OTOA: variants seen among roughly 807,000 people sequenced by gnomAD.
OTOA encodes cancer/testis antigen 108.
Under a neutral mutation model 110.8 loss-of-function variants are expected in OTOA, and 70 were observed. The observed-to-expected ratio is 0.63, with a 90% CI of 0.52 to 0.77. The LOEUF (loss-of-function observed/expected upper bound fraction) is 0.77. Among genes scored for constraint, OTOA ranks in the 30% least tolerant of loss-of-function variants. The probability of loss-of-function intolerance (pLI) is 0.00; values close to 1 mark genes in which losing one functional copy is unlikely to be tolerated. For missense variants in OTOA, 917 were observed against 1,075.8 expected (o/e 0.85, Z 2.06); for synonymous variants, 373 against 431.5 (o/e 0.86, Z 1.68).
intron 6 of OTOA, among the ~76,000 whole-genome samples, chr16:21,682,030 A>G (rs1220910175): frequency 6.6e-6 from 1 of 152,220 alleles, no homozygotes; most frequent in Non-Finnish European, 1.5e-5. Context: ...GAGACATGGT[A>G]TATTAGGATA....
At chr16:21,674,163 GT>G (rs1407839687) in intron 1 of OTOA, among the ~76,000 whole-genome samples, 1 of 152,064 alleles carries the variant, frequency 6.6e-6, no homozygotes, top group Non-Finnish European at 1.5e-5. Flanking sequence ...GAGTGTAATT[GT>G]TGGGCTGTAC....
At chr16:21,734,098 C>A (rs542962284) in intron 21 of OTOA, among the ~76,000 whole-genome samples, 1 of 150,940 alleles carries the variant, frequency 6.6e-6, no homozygotes, top group Non-Finnish European at 1.5e-5. Context: ...CGCACCTGAC[C>A]TGTGTTAGGC....
chr16:21,713,826 G>A (rs1898431962), intron 13 of OTOA, among the ~76,000 whole-genome samples: 1 of 152,172 alleles, frequency 6.6e-6, no homozygotes, highest in Non-Finnish European at 1.5e-5. Context: ...TTATGTTGAA[G>A]GCTTTGAATC....
rs940529270 is a variant in OTOA, at chr16:21,719,477, C to T, written c.1779C>T (p.Asn593=). The T allele has an allele frequency of 3.1e-6, 5 of 1,614,122 alleles. No individual in the cohort carries two copies. The highest frequency in any genetic ancestry group is 4.2e-6 in the Non-Finnish European group (5 of 1,180,000). Residue 593 remains asparagine (N), a synonymous_variant, in exon 17 of 29, where the codon AAC becomes AAT. Transcript: ENST00000646100. ...FFLAHFQDFQ[N]NFALLSPYQV... ...TGGCCCATTTCCAGGATTTTCAGAA[C>T]AACTTCGCCCTGCTTTCACCCTATC...
chr16:21,704,484 G>T (rs1024471223), intron 11 of OTOA, among the ~76,000 whole-genome samples: 1 of 152,108 alleles, frequency 6.6e-6, no homozygotes, highest in Non-Finnish European at 1.5e-5. Flanking sequence ...TGTGAAATGG[G>T]GCTAATGAGA....
chr16:21,696,444 G>A (rs1414499676), intron 9 of OTOA, among the ~76,000 whole-genome samples: 1 of 152,172 alleles, frequency 6.6e-6, no homozygotes, highest in Non-Finnish European at 1.5e-5. Flanking sequence ...TTTGGAGAAT[G>A]TTTTGGGGAG....
chr16:21,698,538 C>A (rs182733131), intron 10 of OTOA, among the ~76,000 whole-genome samples: 1 of 152,034 alleles, frequency 6.6e-6, no homozygotes, highest in Admixed American at 6.6e-5. Context: ...TCCAATTTTT[C>A]TTCTTCTTCT....
chr16:21,731,421 G>C (rs895346899), intron 21 of OTOA, among the ~76,000 whole-genome samples: 1 of 152,220 alleles, frequency 6.6e-6, no homozygotes, highest in African/African-American at 2.4e-5. Context: ...GCATGAATTA[G>C]TCATTTGTGC....
intron 21 of OTOA, among the ~76,000 whole-genome samples, chr16:21,734,544 A>G (rs530687344): frequency 1.4e-4 from 21 of 152,236 alleles, no homozygotes; most frequent in African/African-American, 4.6e-4. Flanking sequence ...TAAAAAAAAT[A>G]AAATAAAAAG....
At chr16:21,684,720 CTTA>C (rs531589434) in intron 6 of OTOA, among the ~76,000 whole-genome samples, 7,912 of 126,756 alleles carry the variant, frequency 0.062, 335 homozygotes, top group African/African-American at 0.12. Context: ...GAGGAATCCC[CTTA>C]TTATTATTAT....
chr16:21,712,688 A>T (rs948687721), intron 13 of OTOA, among the ~76,000 whole-genome samples: 4 of 151,230 alleles, frequency 2.6e-5, no homozygotes, highest in African/African-American at 7.3e-5. Flanking sequence ...AAAATAAAAA[A>T]AAAAAAATTA....
chr16:21,685,032 G>C (rs975651658), intron 6 of OTOA, among the ~76,000 whole-genome samples, 198 bp from the exon 7 acceptor site: 2 of 152,074 alleles, frequency 1.3e-5, no homozygotes, highest in Non-Finnish European at 2.9e-5. Context: ...TTACAGGCAT[G>C]AGCCACCGCG....
In OTOA at chr16:21,704,785, A is replaced by G. The variant is rs374863344; in HGVS notation, c.981-384A>G. The stretch of plus-strand genomic sequence containing the variant: ...GACAGTGCTCAAATCTGTGTCTCTG[A>G]GCTGGGGACTGGGGCAGGTTTTATA... On this transcript the variant is annotated intron_variant, in intron 11 of 28. Transcript: ENST00000646100. Among the ~76,000 whole-genome samples, 4 of 152,138 alleles carry G rather than the reference A, an allele frequency of 2.6e-5. No individual in the cohort carries two copies. The South Asian group carries it at 8.3e-4, about 32-fold the overall frequency.
chr16:21,702,785 C>G (rs1254800454), intron 11 of OTOA, among the ~76,000 whole-genome samples: 1 of 152,158 alleles, frequency 6.6e-6, no homozygotes. Context: ...AAGTGATTCT[C>G]CTGCCTCAGC....
Position 21,716,981 on chromosome 16 carries a change from T to C in OTOA, c.1563T>C (p.Phe521=). Residue 521 remains phenylalanine (F), a synonymous_variant, in exon 15 of 29, where the codon TTT becomes TTC. Coordinates refer to ENST00000646100, the MANE Select transcript of OTOA (RefSeq NM_144672.4). ...QGAFFKEVSL[F]DLRRQPGFNS... is the part of the protein sequence containing the mutation. The stretch of plus-strand genomic sequence containing the variant: ...CTTTCTTTAAGGAAGTGTCTCTCTT[T>C]GATTTAAGGAGGCAACCTGGATTCA... The C allele has an allele frequency of 3.1e-6, 5 of 1,614,060 alleles. No individual in the cohort carries two copies. The highest frequency in any genetic ancestry group is 4.2e-6 in the Non-Finnish European group (5 of 1,180,000).
At chr16:21,735,527 C>G (rs1210881523) in intron 21 of OTOA, among the ~76,000 whole-genome samples, 1 of 152,072 alleles carries the variant, frequency 6.6e-6, no homozygotes, top group African/African-American at 2.4e-5. Flanking sequence ...CAAACTATGT[C>G]AAATATAAAG....
At chr16:21,691,939 T>C (rs1897838703) in intron 9 of OTOA, among the ~76,000 whole-genome samples, 1 of 152,202 alleles carries the variant, frequency 6.6e-6, no homozygotes, top group Admixed American at 6.5e-5. Context: ...TCCTAGTTTT[T>C]CAGTGGAATA....
chr16:21,677,231 G>A (rs1023588797), intron 1 of OTOA, among the ~76,000 whole-genome samples: 6 of 152,100 alleles, frequency 3.9e-5, no homozygotes, highest in Non-Finnish European at 8.8e-5. Context: ...CTTGATCATA[G>A]GGTATTGTAT....
At chr16:21,691,878 A>C (rs989273381) in intron 9 of OTOA, among the ~76,000 whole-genome samples, 191 bp downstream of exon 9, 3 of 152,172 alleles carry the variant, frequency 2.0e-5, no homozygotes, top group African/African-American at 7.2e-5. Flanking sequence ...CAATTCGCAC[A>C]TGTGGAAGTC....
Sources: allele counts gnomAD v4.1 joint callset (sites outside exome capture counted in the v4.1 genomes callset), GRCh38; gene constraint gnomAD v4.1.1; transcripts MANE v1.5; gene names NCBI Gene and HGNC (gene_info 2026-07-23, HGNC 2026-07-21).